The following MYO9A variants were observed in gnomAD, a reference collection of about 807,000 sequenced individuals.
The protein encoded by MYO9A is unconventional myosin-IXa.
A neutral mutation model predicts 293.3 loss-of-function variants in MYO9A; 103 were observed. The ratio of observed to expected loss-of-function variants is 0.35; its 90% CI spans 0.30 to 0.41. MYO9A has a LOEUF of 0.41. Among genes scored for constraint, MYO9A ranks in the 10% least tolerant of loss-of-function variants. The pLI, the probability that MYO9A is intolerant of heterozygous loss-of-function variation, is 1.00. For missense variants in MYO9A, 2,685 were observed against 3,033.0 expected, an observed-to-expected ratio of 0.89 and a Z score of 2.69; for synonymous variants, 1,001 against 1,035.7, an observed-to-expected ratio of 0.97 and a Z score of 0.64.
At chr15:71,848,213 C>A (rs889361060) in intron 39 of MYO9A, among the ~76,000 whole-genome samples, 1 of 150,762 alleles carries the variant, frequency 6.6e-6, no homozygotes, top group African/African-American at 2.4e-5. Context: ...ATCAATAAGG[C>A]TGAAGCTATT....
At position 71,826,054 on chromosome 15, in the gene MYO9A, G is replaced by GT. The variant is rs1555456866; in HGVS notation, c.*525dup. ...CTTTCCCCAGAATATAACATGGAGT[G>GT]TTTTTTCAGAAATCTTAAAATAGAG... On this transcript the variant is annotated 3_prime_UTR_variant, in exon 42 of 42. Coordinates refer to ENST00000356056, the MANE Select transcript of MYO9A (RefSeq NM_006901.4). 2 of 134,900 alleles carry GT rather than the reference G, an allele frequency of 1.5e-5. No individual in the cohort carries two copies. The highest frequency in any genetic ancestry group is 2.8e-5 in the African/African-American group (1 of 35,942). The allele number at this position is 134,900 out of a possible 1,614,324, so 8.4% of individuals were successfully genotyped here. A position where few individuals can be genotyped will look rare whatever the true frequency, so the allele number is the denominator to read the frequency against.
chr15:71,963,741 T>C (rs957582348), intron 13 of MYO9A, among the ~76,000 whole-genome samples: 4 of 152,200 alleles, frequency 2.6e-5, no homozygotes, highest in African/African-American at 7.2e-5. Context: ...CGTGAAGTTA[T>C]GACTTTAAAT....
At position 72,039,588 on chromosome 15, in the gene MYO9A, T is replaced by TGGG. The variant is rs879852749; in HGVS notation, c.840+6135_840+6136insCCC. On this transcript the variant is annotated intron_variant, in intron 2 of 41. Transcript: ENST00000356056. ...GCTCATGCCTGTAATCCTAGCACTT[T>TGGG]AAGAGGCTGAGGTGGGTGGATCATC... is the stretch of plus-strand genomic sequence containing the variant. Among the ~76,000 whole-genome samples the TGGG allele has an allele frequency of 1.2e-3, 180 of 152,058 alleles. 1 individual carries two copies. Among genetic ancestry groups the TGGG allele is most frequent in the Non-Finnish European group, 2.4e-3 (161 of 67,962 alleles).
intron 32 of MYO9A, among the ~76,000 whole-genome samples, chr15:71,874,784 A>G (rs1439894107): frequency 1.3e-5 from 2 of 152,206 alleles, no homozygotes; most frequent in African/African-American, 2.4e-5. Context: ...TGAACATGCA[A>G]CACTTAAGCC....
chr15:72,085,378 T>C (rs375346236), intron 1 of MYO9A, among the ~76,000 whole-genome samples: 2 of 147,644 alleles, frequency 1.4e-5, no homozygotes, highest in Admixed American at 1.4e-4. Flanking sequence ...GGCGACAGAG[T>C]GAGAGAGTCT....
intron 1 of MYO9A, among the ~76,000 whole-genome samples, chr15:72,112,048 T>C (rs771595775): frequency 1.3e-5 from 2 of 152,168 alleles, no homozygotes; most frequent in African/African-American, 2.4e-5. Flanking sequence ...AGAATCCATA[T>C]TCTCTCCACT....
intron 39 of MYO9A, among the ~76,000 whole-genome samples, chr15:71,836,743 C>T (rs531411263): frequency 6.6e-6 from 1 of 152,026 alleles, no homozygotes; most frequent in African/African-American, 2.4e-5. Context: ...ATATAAAGCT[C>T]AAAGTTAGGT....
At chr15:71,832,232 C>A in intron 39 of MYO9A, among the ~76,000 whole-genome samples, 1 of 152,232 alleles carries the variant, frequency 6.6e-6, no homozygotes, top group African/African-American at 2.4e-5. Context: ...GCCAAGATTA[C>A]GCCACTGCAC....
In MYO9A at chr15:71,826,943, GACATCTA is replaced by G; in HGVS notation, c.7277_7283del (p.Leu2426SerfsTer75). 6.2e-7 allele frequency: 1 copy of G among 1,614,038 alleles called. No individual in the cohort carries two copies. Among genetic ancestry groups the G allele is most frequent in the Non-Finnish European group, 8.5e-7 (1 of 1,179,936 alleles). ...ATAAAGAGGAGACCGAAGAGTCCACGACATCTAAAGAGTCTTGCTGCTTTTTAAGTTG... is the reference window on the plus strand; with the variant it reads ...ATAAAGAGGAGACCGAAGAGTCCACGAAGAGTCTTGCTGCTTTTTAAGTTG... On this transcript the variant is annotated frameshift_variant, in exon 42 of 42. Coordinates refer to ENST00000356056, the MANE Select transcript of MYO9A (RefSeq NM_006901.4). LOFTEE classifies it high-confidence loss of function.
At chr15:72,073,340 G>A (rs1226047129) in intron 1 of MYO9A, among the ~76,000 whole-genome samples, 2 of 152,028 alleles carry the variant, frequency 1.3e-5, no homozygotes, top group African/African-American at 4.8e-5. Context: ...ACCAACTACC[G>A]CCACAATTGT....
rs747549817 is a variant in MYO9A at position 72,103,153 on chromosome 15, G to A, written c.-72+14527C>T. ...GGAGGTTGCAGTGAGCCAAGATTGCGCCACTGCACTCCAGCCTGGGTGGCA... is the reference window on the plus strand; with the variant it reads ...GGAGGTTGCAGTGAGCCAAGATTGCACCACTGCACTCCAGCCTGGGTGGCA... On this transcript the variant is annotated intron_variant, in intron 1 of 41. Coordinates refer to ENST00000356056, the MANE Select transcript of MYO9A (RefSeq NM_006901.4). Among the ~76,000 whole-genome samples the A allele has an allele frequency of 4.8e-5, 7 of 145,442 alleles. 1 individual carries two copies. The highest frequency in any genetic ancestry group is 9.1e-5 in the Non-Finnish European group (6 of 66,230).
At chr15:72,097,859 G>A (rs963261766) in intron 1 of MYO9A, among the ~76,000 whole-genome samples, 8 of 150,642 alleles carry the variant, frequency 5.3e-5, no homozygotes, top group Non-Finnish European at 1.0e-4. Flanking sequence ...GCGGTGAGCC[G>A]AGATCACACC....
At chr15:72,010,590 ATT>A (rs1339573442) in intron 6 of MYO9A, 143 bp from the exon 7 acceptor site, 1 of 636,272 alleles carries the variant, frequency 1.6e-6, no homozygotes, top group Non-Finnish European at 2.7e-6. Context: ...ACCTAGTCAA[ATT>A]CATTAGACCT....
chr15:71,861,899 G>A (rs2056150875), intron 33 of MYO9A, among the ~76,000 whole-genome samples: 1 of 152,190 alleles, frequency 6.6e-6, no homozygotes. Context: ...TTTAGGCCAA[G>A]GCGGGAGGAT....
At chr15:71,903,313 T>G (rs1434687322) in intron 21 of MYO9A, among the ~76,000 whole-genome samples, 1 of 152,098 alleles carries the variant, frequency 6.6e-6, no homozygotes, top group Non-Finnish European at 1.5e-5. Context: ...AATTATCCCT[T>G]TTGAGAAAGC....
chr15:72,113,091 T>C (rs994822351), intron 1 of MYO9A, among the ~76,000 whole-genome samples: 3 of 152,150 alleles, frequency 2.0e-5, no homozygotes, highest in Non-Finnish European at 2.9e-5. Flanking sequence ...TTTAAAATGC[T>C]CAATCTAAAA....
chr15:71,986,940 A>C (rs979251543), intron 11 of MYO9A, among the ~76,000 whole-genome samples: 1 of 152,314 alleles, frequency 6.6e-6, no homozygotes, highest in Admixed American at 6.5e-5. Context: ...CATCTCACCC[A>C]GAGTAACCTC....
At chr15:71,965,865 T>C (rs769635516) in intron 13 of MYO9A, among the ~76,000 whole-genome samples, 1 of 152,126 alleles carries the variant, frequency 6.6e-6, no homozygotes, top group Non-Finnish European at 1.5e-5. Flanking sequence ...GGTCTTAAAG[T>C]CTATTTTGTC....
In MYO9A at chr15:71,980,451, T is replaced by G. The variant is rs115469024; in HGVS notation, c.1723-2159A>C. ...TAGTAGCTCATTGTGATTTTAGCTT[T>G]GATTTCCCTGATGAATAACAAAGAA... On this transcript the variant is annotated intron_variant, in intron 11 of 41. Coordinates refer to ENST00000356056, the MANE Select transcript of MYO9A (RefSeq NM_006901.4). Among the ~76,000 whole-genome samples the G allele has an allele frequency of 5.5e-3, 838 of 152,344 alleles. 12 individuals are homozygous for G. Among genetic ancestry groups the G allele is most frequent in the African/African-American group, 0.018 (767 of 41,570 alleles).
Sources: allele counts gnomAD v4.1 joint callset (sites outside exome capture counted in the v4.1 genomes callset), GRCh38; gene constraint gnomAD v4.1.1; transcripts MANE v1.5; gene names NCBI Gene and HGNC (gene_info 2026-07-23, HGNC 2026-07-21).